ADGRL3: variants seen among roughly 807,000 people sequenced by gnomAD.
ADGRL3 encodes adhesion G protein-coupled receptor L3, also known as calcium-independent alpha-latrotoxin receptor 3.
A neutral mutation model predicts 153.5 loss-of-function variants in ADGRL3; 62 were observed. The ratio of observed to expected loss-of-function variants is 0.40; its 90% CI spans 0.33 to 0.50. The LOEUF (loss-of-function observed/expected upper bound fraction) is 0.50. Ranked by LOEUF, ADGRL3 falls within the 20% of genes least tolerant of loss-of-function variation. The pLI is 0.47. For missense variants in ADGRL3, 1,641 were observed against 1,859.4 expected, an observed-to-expected ratio of 0.88 and a Z score of 2.16; for synonymous variants, 710 against 672.5, an observed-to-expected ratio of 1.06 and a Z score of -0.86.
At chr4:61,408,789 A>T (rs1189161626) in intron 2 of ADGRL3, among the ~76,000 whole-genome samples, 3 of 152,066 alleles carry the variant, frequency 2.0e-5, no homozygotes, top group African/African-American at 7.2e-5. Flanking sequence ...CTTGGAAGTG[A>T]GAAAACACTG....
At chr4:61,613,831 G>T (rs1309703379) in intron 5 of ADGRL3, among the ~76,000 whole-genome samples, 1 of 152,060 alleles carries the variant, frequency 6.6e-6, no homozygotes, top group African/African-American at 2.4e-5. Context: ...GATGCAAATG[G>T]GGGGAATATA....
intron 2 of ADGRL3, among the ~76,000 whole-genome samples, chr4:61,476,335 C>T (rs570055184): frequency 5.9e-5 from 9 of 152,086 alleles, no homozygotes; most frequent in African/African-American, 2.2e-4. Flanking sequence ...TCAAGCAATT[C>T]TCATGCCTCA....
chr4:61,891,450 A>G (rs1451177169), intron 9 of ADGRL3, among the ~76,000 whole-genome samples: 1 of 152,212 alleles, frequency 6.6e-6, no homozygotes, highest in Non-Finnish European at 1.5e-5. Flanking sequence ...GACACATAAT[A>G]GACAGCATCA....
rs991154115 is a variant in ADGRL3 at position 61,697,025 on chromosome 4, A to G, written c.583+20090A>G. Among the ~76,000 whole-genome samples, 4 of 152,120 alleles carry G rather than the reference A, an allele frequency of 2.6e-5. No homozygotes were observed. In the Middle Eastern group the frequency reaches 0.01, roughly 391 times the overall value. Reference sequence around the variant, plus strand: ...CAGGAACTGTATCTTTCTTATCCATATTCATAACCCCTTATGTATCTCACT... The same window carrying G: ...CAGGAACTGTATCTTTCTTATCCATGTTCATAACCCCTTATGTATCTCACT... On this transcript the variant is annotated intron_variant, in intron 6 of 26. Coordinates refer to ENST00000683033, the MANE Select transcript of ADGRL3 (RefSeq NM_001387552.1).
rs1172094978 is a variant in ADGRL3 at position 62,076,515 on chromosome 4, C to T, written c.*5607C>T. On this transcript the variant is annotated 3_prime_UTR_variant, in exon 27 of 27. Transcript: ENST00000683033. Reference sequence around the variant, plus strand: ...TTATGGTAAGGTGACAGGACCTAAACTAGAGTTACAGAGAAAAGTTTTCCA... The same window carrying T: ...TTATGGTAAGGTGACAGGACCTAAATTAGAGTTACAGAGAAAAGTTTTCCA... The T allele has an allele frequency of 2.6e-5, 4 of 151,996 alleles. No homozygotes were observed. Among genetic ancestry groups the T allele is most frequent in the African/African-American group, 7.2e-5 (3 of 41,438 alleles). 9.4% of individuals were successfully genotyped at this position (151,996 alleles called of 1,614,324 possible).
intron 1 of ADGRL3, among the ~76,000 whole-genome samples, chr4:61,382,130 C>A (rs549591578): frequency 6.6e-6 from 1 of 151,948 alleles, no homozygotes; most frequent in South Asian, 2.1e-4. Flanking sequence ...CCCTGTATCT[C>A]ATTCTTTATC....
At chr4:61,459,790 T>C (rs1486677372) in intron 2 of ADGRL3, among the ~76,000 whole-genome samples, 1 of 152,182 alleles carries the variant, frequency 6.6e-6, no homozygotes, top group Non-Finnish European at 1.5e-5. Flanking sequence ...TGCATTTCTC[T>C]AAATATTAGT....
At chr4:61,228,860 T>G (rs1047458261) in intron 1 of ADGRL3, among the ~76,000 whole-genome samples, 12 of 152,060 alleles carry the variant, frequency 7.9e-5, no homozygotes, top group Non-Finnish European at 1.8e-4. Context: ...CCCTGCTGAT[T>G]TTTGTACTTT....
rs1560565637 is a variant in ADGRL3, at chr4:61,392,701, A to AAAAAAAAG, written c.-174+9517_-174+9518insAAGAAAAA. 2.3e-4 allele frequency among the ~76,000 whole-genome samples: 34 copies of AAAAAAAAG among 146,292 alleles called. 2 individuals carry two copies. Among genetic ancestry groups the AAAAAAAAG allele is most frequent in the African/African-American group, 8.4e-4 (34 of 40,250 alleles). On this transcript the variant is annotated intron_variant, in intron 2 of 26. Coordinates refer to ENST00000683033, the MANE Select transcript of ADGRL3 (RefSeq NM_001387552.1). ...CTCCATCTCAAAAAAAAAAAAAAAA[A>AAAAAAAAG]AAAAAGAAAAAGGAAAATAAAGAAA...
At chr4:61,698,275 C>A (rs1410913289) in intron 6 of ADGRL3, among the ~76,000 whole-genome samples, 1 of 152,046 alleles carries the variant, frequency 6.6e-6, no homozygotes, top group African/African-American at 2.4e-5. Context: ...CACGGTGAAA[C>A]CGCGTCTCTA....
intron 2 of ADGRL3, among the ~76,000 whole-genome samples, chr4:61,439,363 T>A (rs2097499870): frequency 6.6e-6 from 1 of 152,162 alleles, no homozygotes. Flanking sequence ...CAAGATATGG[T>A]TTCAAGTAAT....
chr4:62,001,117 T>C (rs987129298), intron 21 of ADGRL3, among the ~76,000 whole-genome samples: 3 of 152,038 alleles, frequency 2.0e-5, no homozygotes, highest in Non-Finnish European at 2.9e-5. Flanking sequence ...ATTATGAATA[T>C]AGATATATTG....
chr4:61,413,315 A>G (rs1276923926), intron 2 of ADGRL3, among the ~76,000 whole-genome samples: 2 of 152,050 alleles, frequency 1.3e-5, no homozygotes, highest in African/African-American at 2.4e-5. Flanking sequence ...GGAAGTGATG[A>G]AAGTCTTCAC....
intron 5 of ADGRL3, among the ~76,000 whole-genome samples, chr4:61,613,163 G>A (rs1320973213): frequency 4.6e-5 from 7 of 152,084 alleles, no homozygotes; most frequent in South Asian, 2.1e-4. Context: ...ATCTCCTGCC[G>A]TGTTCCCCAT....
rs1034852905 is a variant in ADGRL3 at position 61,764,340 on chromosome 4, G to A, written c.1399+30786G>A. Among the ~76,000 whole-genome samples, 7 of 151,880 alleles carry A rather than the reference G, an allele frequency of 4.6e-5. No individual in the cohort carries two copies. In the East Asian group the frequency reaches 5.9e-4, roughly 13 times the overall value. Reference sequence around the variant, plus strand: ...GAGTCAGCGAAGGGAGATAAGGGTGGGGCCGTTTTATAGGATTTGGGTAGG... The same window carrying A: ...GAGTCAGCGAAGGGAGATAAGGGTGAGGCCGTTTTATAGGATTTGGGTAGG... On this transcript the variant is annotated intron_variant, in intron 8 of 26. Coordinates refer to ENST00000683033, the MANE Select transcript of ADGRL3 (RefSeq NM_001387552.1).
chr4:61,585,716 A>C (rs113227977), intron 4 of ADGRL3, among the ~76,000 whole-genome samples: 1,551 of 152,152 alleles, frequency 0.01, 20 homozygotes, highest in African/African-American at 0.034. Flanking sequence ...TTGTTGAGTT[A>C]TCATAACTTA....
intron 1 of ADGRL3, among the ~76,000 whole-genome samples, chr4:61,284,100 T>C (rs1453328592): frequency 6.6e-6 from 1 of 151,990 alleles, no homozygotes; most frequent in Non-Finnish European, 1.5e-5. Context: ...TCCAATTTTC[T>C]TCCATGGCGT....
intron 23 of ADGRL3, among the ~76,000 whole-genome samples, chr4:62,035,443 A>T (rs1724462822): frequency 6.6e-6 from 1 of 152,010 alleles, no homozygotes; most frequent in African/African-American, 2.4e-5. Context: ...ACCCTTTCTC[A>T]TCTAGAAGGA....
At chr4:61,759,022 G>T (rs113155903) in intron 8 of ADGRL3, among the ~76,000 whole-genome samples, 1,534 of 152,224 alleles carry the variant, frequency 0.01, 44 homozygotes, top group African/African-American at 0.035. Flanking sequence ...CTGTCTTCTG[G>T]CTTGTAGAGT....
Sources: gnomAD v4.1 joint callset for allele counts (sites outside exome capture counted in the v4.1 genomes callset) on GRCh38, gnomAD v4.1.1 for gene constraint, MANE v1.5 for transcripts, NCBI Gene and HGNC (gene_info 2026-07-23, HGNC 2026-07-21) for gene names.